Variants in TNKS observed in about 807,000 individuals in gnomAD.
TNKS encodes the protein poly [ADP-ribose] polymerase tankyrase-1.
Under a neutral mutation model 135.8 loss-of-function variants are expected in TNKS, and 72 were observed. The ratio of observed to expected loss-of-function variants is 0.53; its 90% CI spans 0.44 to 0.64. The LOEUF (loss-of-function observed/expected upper bound fraction) is 0.64, where lower values mean the gene tolerates loss of function less well. Ranked by LOEUF, TNKS falls within the 30% of genes least tolerant of loss-of-function variation. The pLI, the probability that TNKS is intolerant of heterozygous loss-of-function variation, is 0.00. For synonymous variants in TNKS, 849 were observed against 649.3 expected, an observed-to-expected ratio of 1.31 and a Z score of -4.68; for missense variants, 1,769 against 1,674.0, an observed-to-expected ratio of 1.06 and a Z score of -0.99.
At chr8:9,762,300 A>G (rs1232077844) in intron 21 of TNKS, among the ~76,000 whole-genome samples, 2 of 152,206 alleles carry the variant, frequency 1.3e-5, no homozygotes, top group African/African-American at 4.8e-5. Context: ...ATCAAATTAT[A>G]AAAGAGTGAT....
intron 3 of TNKS, among the ~76,000 whole-genome samples, chr8:9,644,981 C>T (rs73202868): frequency 8.5e-5 from 13 of 152,274 alleles, no homozygotes; most frequent in Non-Finnish European, 1.9e-4. Flanking sequence ...TAAAGGTAGA[C>T]TAGGCTAAGC....
At chr8:9,601,748 A>G (rs569717554) in intron 2 of TNKS, among the ~76,000 whole-genome samples, 2 of 152,322 alleles carry the variant, frequency 1.3e-5, no homozygotes, top group African/African-American at 4.8e-5. Flanking sequence ...ATATATTTAT[A>G]GACCACAGCA....
intron 11 of TNKS, among the ~76,000 whole-genome samples, chr8:9,718,709 A>G (rs997967462): frequency 9.9e-5 from 15 of 152,214 alleles, no homozygotes; most frequent in African/African-American, 3.6e-4. Context: ...TAAAACTGCC[A>G]GACATCTATT....
At chr8:9,732,115 A>C (rs1805476406) in intron 14 of TNKS, among the ~76,000 whole-genome samples, 1 of 152,166 alleles carries the variant, frequency 6.6e-6, no homozygotes, top group South Asian at 2.1e-4. Context: ...TATAGTCTGT[A>C]AGTTATTGTT....
At chr8:9,771,650 T>C (rs571291134) in intron 26 of TNKS, among the ~76,000 whole-genome samples, 50 of 47,684 alleles carry the variant, frequency 1.0e-3, no homozygotes, top group African/African-American at 4.7e-3. Flanking sequence ...GAGAGAGGGA[T>C]GAATGGAGGG....
intron 14 of TNKS, among the ~76,000 whole-genome samples, chr8:9,732,820 G>A (rs1329732097): frequency 1.3e-5 from 2 of 152,014 alleles, no homozygotes; most frequent in African/African-American, 4.8e-5. Flanking sequence ...CCTGGATTAT[G>A]AATTTTCAAT....
At chr8:9,668,107 A>T (rs2128791417) in intron 3 of TNKS, among the ~76,000 whole-genome samples, 1 of 152,334 alleles carries the variant, frequency 6.6e-6, no homozygotes, top group East Asian at 1.9e-4. Context: ...CACCCGTGTG[A>T]ACATTATCTG....
At chr8:9,564,761 G>A (rs1396098819) in intron 1 of TNKS, among the ~76,000 whole-genome samples, 1 of 152,192 alleles carries the variant, frequency 6.6e-6, no homozygotes, top group Admixed American at 6.5e-5. Flanking sequence ...ATCATTAATA[G>A]ATACTTATAG....
chr8:9,583,950 G>A (rs1798268927), intron 2 of TNKS, among the ~76,000 whole-genome samples: 1 of 151,696 alleles, frequency 6.6e-6, no homozygotes, highest in Non-Finnish European at 1.5e-5. Flanking sequence ...GGATCACGAG[G>A]TCAGGAGATT....
rs777256741 is a variant in TNKS at position 9,556,128 on chromosome 8, A to G, written c.189A>G (p.Leu63=). Residue 63 remains leucine, a synonymous_variant, in exon 1 of 27, where the codon CTA becomes CTG. Coordinates refer to ENST00000310430, the MANE Select transcript of TNKS (RefSeq NM_003747.3). The part of the protein sequence containing the change: ...LAPFASPRHG[L]ALPEGDGSRD... The stretch of plus-strand genomic sequence containing the variant: ...CCTTCGCCTCCCCGCGGCACGGCCT[A>G]GCGCTGCCGGAGGGGGATGGCAGTC... 3 of 1,605,498 alleles carry G rather than the reference A, an allele frequency of 1.9e-6. No individual in the cohort carries two copies. Among genetic ancestry groups the G allele is most frequent in the East Asian group, 4.5e-5 (2 of 44,762 alleles).
intron 26 of TNKS, among the ~76,000 whole-genome samples, chr8:9,775,487 ATATATATATATATATATG>A (rs1420994432): frequency 1.4e-5 from 2 of 138,402 alleles, no homozygotes; most frequent in South Asian, 2.2e-4. Context: ...ATATATATAT[ATATATATATATATATATG>A]TAGACAGAAC....
chr8:9,582,233 G>A (rs138554672), intron 2 of TNKS, among the ~76,000 whole-genome samples: 96 of 152,124 alleles, frequency 6.3e-4, no homozygotes, highest in South Asian at 1.9e-3. Context: ...AGTTGAATAT[G>A]GTTAAGGAAT....
chr8:9,756,780 C>G (rs904433555), intron 20 of TNKS, among the ~76,000 whole-genome samples: 1 of 152,092 alleles, frequency 6.6e-6, no homozygotes, highest in African/African-American at 2.4e-5. Context: ...CCTGTAAATA[C>G]AGTTCTCCAG....
chr8:9,601,998 A>G (rs896232251), intron 2 of TNKS, among the ~76,000 whole-genome samples: 2 of 152,082 alleles, frequency 1.3e-5, no homozygotes, highest in African/African-American at 2.4e-5. Flanking sequence ...TAAAGAGTAG[A>G]CGTTCTCAAG....
chr8:9,644,907 T>C (rs1563138565), intron 3 of TNKS, among the ~76,000 whole-genome samples: 1 of 152,194 alleles, frequency 6.6e-6, no homozygotes, highest in Non-Finnish European at 1.5e-5. Flanking sequence ...CAGTTTATTA[T>C]AAAATAGGCT....
intron 13 of TNKS, 22 bp from the exon 14 acceptor site, chr8:9,730,868 C>G (rs776008222): frequency 2.5e-6 from 4 of 1,604,732 alleles, no homozygotes; most frequent in African/African-American, 2.7e-5. Context: ...TTGTGTTTGT[C>G]TTTGTGTGTG....
intron 2 of TNKS, among the ~76,000 whole-genome samples, chr8:9,597,241 T>G (rs1257776783): frequency 6.6e-6 from 1 of 152,186 alleles, no homozygotes; most frequent in African/African-American, 2.4e-5. Context: ...TTATGGGAAG[T>G]TAAATGAAAG....
chr8:9,690,125 A>T (rs1177006863), intron 5 of TNKS, among the ~76,000 whole-genome samples: 1 of 152,190 alleles, frequency 6.6e-6, no homozygotes, highest in Non-Finnish European at 1.5e-5. Flanking sequence ...CGATGATGAA[A>T]ACCTAATGTT....
intron 2 of TNKS, among the ~76,000 whole-genome samples, chr8:9,608,399 G>C (rs1585225026): frequency 1.3e-5 from 2 of 152,210 alleles, no homozygotes; most frequent in East Asian, 3.9e-4. Context: ...AACTAACGTT[G>C]ATGCTAAGGT....
Sources: allele counts gnomAD v4.1 joint callset (sites outside exome capture counted in the v4.1 genomes callset), GRCh38; gene constraint gnomAD v4.1.1; transcripts MANE v1.5; gene names NCBI Gene and HGNC (gene_info 2026-07-23, HGNC 2026-07-21).